Variants in PPM1L observed in about 807,000 individuals in gnomAD.
The protein encoded by PPM1L is protein phosphatase, Mg2+/Mn2+ dependent 1L, also known as protein phosphatase 1L.
In PPM1L, 13 loss-of-function variants were observed where a neutral mutation model predicts 31.4. The ratio of observed to expected loss-of-function variants is 0.41; its 90% CI spans 0.27 to 0.66. The LOEUF is 0.66. PPM1L is among the 30% of genes least tolerant of loss of function. The pLI is 0.29. For synonymous variants in PPM1L, 184 were observed against 175.4 expected, an observed-to-expected ratio of 1.05 and a Z score of -0.39; for missense variants, 326 against 453.7, an observed-to-expected ratio of 0.72 and a Z score of 2.56.
rs1038707015 is a variant in PPM1L at position 161,074,470 on chromosome 3, A to C, written c.*5313A>C. 6.6e-6 allele frequency: 1 copy of C among 152,260 alleles called. No individual in the cohort carries two copies. Among genetic ancestry groups the C allele is most frequent in the African/African-American group, 2.4e-5 (1 of 41,476 alleles). 9.4% of individuals were successfully genotyped at this position (152,260 alleles called of 1,614,324 possible). On this transcript the variant is annotated 3_prime_UTR_variant, in exon 4 of 4. Transcript: ENST00000498165. ...CTTAAAATTACATCCAATATTTAGG[A>C]ATAGCTCATCCTCTGCACATTATCC...
intron 2 of PPM1L, among the ~76,000 whole-genome samples, chr3:161,000,012 G>A (rs1032553999): frequency 7.9e-5 from 12 of 152,178 alleles, no homozygotes; most frequent in Admixed American, 5.2e-4. Context: ...CTGCAGAGCT[G>A]GAATTGTCAT....
intron 1 of PPM1L, among the ~76,000 whole-genome samples, chr3:160,830,127 A>G (rs1341081523): frequency 6.6e-6 from 1 of 152,168 alleles, no homozygotes; most frequent in Non-Finnish European, 1.5e-5. Flanking sequence ...CTTTGGGTGT[A>G]GTGGTTGTAA....
intron 1 of PPM1L, among the ~76,000 whole-genome samples, chr3:160,766,378 C>G (rs1290934998): frequency 6.6e-6 from 1 of 152,088 alleles, no homozygotes; most frequent in African/African-American, 2.4e-5. Context: ...GTGATTAGAT[C>G]ATGGGGGGAC....
chr3:160,862,705 A>AC (rs1560130395), intron 1 of PPM1L, among the ~76,000 whole-genome samples: 3,569 of 83,910 alleles, frequency 0.043, 167 homozygotes, highest in African/African-American at 0.14. Context: ...CACACACACA[A>AC]AATTCTGAAA....
At chr3:160,818,506 A>C (rs1021904660) in intron 1 of PPM1L, among the ~76,000 whole-genome samples, 1 of 152,042 alleles carries the variant, frequency 6.6e-6, no homozygotes, top group Admixed American at 6.6e-5. Flanking sequence ...CTTCTAGTAC[A>C]TCAAAATATT....
At chr3:161,009,804 T>G (rs1717831359) in intron 2 of PPM1L, among the ~76,000 whole-genome samples, 1 of 152,186 alleles carries the variant, frequency 6.6e-6, no homozygotes, top group South Asian at 2.1e-4. Context: ...GTCCTACAGT[T>G]GAAATCTTCT....
At chr3:160,872,222 G>A (rs571010245) in intron 1 of PPM1L, among the ~76,000 whole-genome samples, 30 of 152,230 alleles carry the variant, frequency 2.0e-4, no homozygotes, top group Middle Eastern at 6.8e-3. Flanking sequence ...GGAGGAGAAG[G>A]GTTTAGGGGG....
chr3:160,756,232 T>C lies in PPM1L; in HGVS notation c.-77T>C. 6.7e-7 allele frequency: 1 copy of C among 1,503,720 alleles called. No homozygotes were observed. Among genetic ancestry groups the C allele is most frequent in the Non-Finnish European group, 9.0e-7 (1 of 1,107,398 alleles). 93.1% of individuals were successfully genotyped at this position (1,503,720 alleles called of 1,614,324 possible). ...GCTCCGCCTCCCTCCCGGCGGGCTG[T>C]CCCCGCAGTGCTCCCGGACCCGGCG... On this transcript the variant is annotated 5_prime_UTR_variant, in exon 1 of 4. Coordinates refer to ENST00000498165, the MANE Select transcript of PPM1L (RefSeq NM_139245.4). This position sits in a 1 kb window ranked among gnomAD's most constrained non-coding sequence, Gnocchi z 6.2.
chr3:160,857,003 T>G (rs1344054019), intron 1 of PPM1L, among the ~76,000 whole-genome samples: 1 of 152,176 alleles, frequency 6.6e-6, no homozygotes, highest in Non-Finnish European at 1.5e-5. Context: ...TATTTTGATG[T>G]TTGATTCTAA....
intron 1 of PPM1L, among the ~76,000 whole-genome samples, chr3:160,891,376 A>G (rs986319067): frequency 2.6e-5 from 4 of 152,196 alleles, no homozygotes; most frequent in Non-Finnish European, 5.9e-5. Flanking sequence ...ACATTCATGC[A>G]GCCAACAACT....
At chr3:160,814,020 T>C (rs1468081959) in intron 1 of PPM1L, among the ~76,000 whole-genome samples, 2 of 152,202 alleles carry the variant, frequency 1.3e-5, no homozygotes, top group Non-Finnish European at 2.9e-5. Flanking sequence ...GTAAAGATCT[T>C]TTACTATTAG....
chr3:160,888,294 A>T (rs1247666697), intron 1 of PPM1L, among the ~76,000 whole-genome samples: 1 of 152,252 alleles, frequency 6.6e-6, no homozygotes, highest in Admixed American at 6.5e-5. Context: ...ACCCATCCAC[A>T]TGTAGAGACA....
intron 1 of PPM1L, among the ~76,000 whole-genome samples, chr3:160,849,994 C>A (rs1400808354): frequency 6.6e-6 from 1 of 152,160 alleles, no homozygotes; most frequent in East Asian, 1.9e-4. Flanking sequence ...TCTTACAATT[C>A]AACGCAGTTC....
chr3:160,933,402 A>T (rs1714850057), intron 1 of PPM1L, among the ~76,000 whole-genome samples: 1 of 152,248 alleles, frequency 6.6e-6, no homozygotes, highest in African/African-American at 2.4e-5. Context: ...ATTGAAACAA[A>T]AATAGGGTAA....
chr3:160,850,760 C>T (rs1422061649), intron 1 of PPM1L, among the ~76,000 whole-genome samples: 1 of 152,120 alleles, frequency 6.6e-6, no homozygotes, highest in Non-Finnish European at 1.5e-5. Flanking sequence ...CCTGGGCTGG[C>T]AGGGAATAGG....
At chr3:161,026,512 A>G (rs1718395887) in intron 2 of PPM1L, among the ~76,000 whole-genome samples, 2 of 152,152 alleles carry the variant, frequency 1.3e-5, no homozygotes, top group Non-Finnish European at 2.9e-5. Flanking sequence ...CCTGGCCAAC[A>G]TGGCAAAACC....
intron 2 of PPM1L, among the ~76,000 whole-genome samples, chr3:160,990,550 C>CT (rs1461468859): frequency 6.6e-6 from 1 of 152,150 alleles, no homozygotes; most frequent in East Asian, 1.9e-4. Flanking sequence ...CAAATGAAGA[C>CT]TAACAGTTGG....
At chr3:161,066,180 C>A (rs1040221543) in intron 3 of PPM1L, among the ~76,000 whole-genome samples, 1 of 152,170 alleles carries the variant, frequency 6.6e-6, no homozygotes, top group African/African-American at 2.4e-5. Context: ...ATCTCTATGC[C>A]TTGAGCATTT....
intron 2 of PPM1L, among the ~76,000 whole-genome samples, chr3:160,973,716 C>A (rs894104895): frequency 4.5e-5 from 6 of 133,544 alleles, no homozygotes; most frequent in Admixed American, 2.5e-4. Flanking sequence ...TTGGGATCTA[C>A]TAGACACTTT....
Sources: allele counts gnomAD v4.1 joint callset (sites outside exome capture counted in the v4.1 genomes callset), GRCh38; gene constraint gnomAD v4.1.1; non-coding constraint Gnocchi (gnomAD v3.1); transcripts MANE v1.5; gene names NCBI Gene and HGNC (gene_info 2026-07-23, HGNC 2026-07-21).